IFT74: variants seen among roughly 807,000 people sequenced by gnomAD.
The protein encoded by IFT74 is intraflagellar transport 74.
In IFT74, 92 loss-of-function variants were observed where a neutral mutation model predicts 96.7. The ratio of observed to expected loss-of-function variants is 0.95; its 90% CI spans 0.80 to 1.13. The LOEUF (loss-of-function observed/expected upper bound fraction) is 1.13, where lower values mean the gene tolerates loss of function less well. Among genes scored for constraint, IFT74 ranks in the 50% most tolerant of loss-of-function variants. The probability of loss-of-function intolerance (pLI) is 0.00; values close to 1 mark genes in which losing one functional copy is unlikely to be tolerated. For missense variants in IFT74, 811 were observed against 698.2 expected (o/e 1.16, Z -1.82); for synonymous variants, 223 against 213.2 (o/e 1.05, Z -0.40).
At chr9:26,954,168 A>C (rs896859305), upstream of IFT74, among the ~76,000 whole-genome samples, 2 of 152,254 alleles carry the variant, frequency 1.3e-5, no homozygotes, top group Non-Finnish European at 2.9e-5. Context: ...TATAACTGCA[A>C]GTTATAATGA....
intron 6 of IFT74, among the ~76,000 whole-genome samples, chr9:26,986,364 G>C (rs1208893692): frequency 6.6e-6 from 1 of 150,936 alleles, no homozygotes; most frequent in Non-Finnish European, 1.5e-5. Flanking sequence ...TGCCCAAGCT[G>C]GAATGCAGTG....
intron 1 of IFT74, among the ~76,000 whole-genome samples, chr9:26,956,729 C>T (rs1826123155): frequency 6.6e-6 from 1 of 152,236 alleles, no homozygotes; most frequent in African/African-American, 2.4e-5. Context: ...TCCCCGACCC[C>T]CCGCAGGAGA....
intron 18 of IFT74, among the ~76,000 whole-genome samples, chr9:27,058,640 G>A (rs1163627653): frequency 3.3e-5 from 5 of 150,950 alleles, no homozygotes; most frequent in South Asian, 2.1e-4. Context: ...CACCTGCCTC[G>A]GCCTCCCAAA....
intron 13 of IFT74, chr9:27,036,824 A>G: frequency 2.9e-6 from 3 of 1,052,046 alleles, no homozygotes; most frequent in Non-Finnish European, 3.4e-6. Context: ...TACCAAAGTG[A>G]CACAATAAAA....
intron 17 of IFT74, 116 bp from the exon 18 acceptor site, chr9:27,056,218 T>C (rs1587425903): frequency 1.3e-6 from 1 of 787,562 alleles, no homozygotes; most frequent in East Asian, 2.8e-5. Flanking sequence ...TTTAGAGTAG[T>C]TATAGCCTTG....
chr9:27,009,962 G>A (rs1210102149), intron 9 of IFT74, among the ~76,000 whole-genome samples: 5 of 151,066 alleles, frequency 3.3e-5, no homozygotes, highest in Non-Finnish European at 7.4e-5. Context: ...TTTTTTTTGT[G>A]CTGGAAACAT....
At chr9:27,012,218 C>A (rs1428492444) in intron 10 of IFT74, among the ~76,000 whole-genome samples, 3 of 152,082 alleles carry the variant, frequency 2.0e-5, no homozygotes, top group African/African-American at 7.2e-5. Flanking sequence ...AATCCAATAG[C>A]AATTAAAAAA....
intron 13 of IFT74, among the ~76,000 whole-genome samples, chr9:27,042,113 C>A (rs1819507860): frequency 6.6e-6 from 1 of 152,082 alleles, no homozygotes; most frequent in Non-Finnish European, 1.5e-5. Flanking sequence ...AGAGGGAAGA[C>A]TATGAGTTTA....
chr9:26,961,159 C>T (rs1254764260), intron 1 of IFT74, among the ~76,000 whole-genome samples: 4 of 148,446 alleles, frequency 2.7e-5, no homozygotes, highest in Non-Finnish European at 5.9e-5. Context: ...AGCGCAATCT[C>T]GGCTCACTGC....
At chr9:26,962,170 C>T (rs982847823) in intron 2 of IFT74, 83 bp downstream of exon 2, 5 of 1,383,044 alleles carry the variant, frequency 3.6e-6, no homozygotes, top group Admixed American at 1.9e-5. Context: ...CTTCAGTGAA[C>T]TCTGATCATG....
At chr9:27,057,499 C>T (rs1442439660) in intron 18 of IFT74, among the ~76,000 whole-genome samples, 1 of 152,174 alleles carries the variant, frequency 6.6e-6, no homozygotes, top group Non-Finnish European at 1.5e-5. Flanking sequence ...ATTGATCATT[C>T]TTATATCTAA....
At chr9:27,004,461 A>C (rs1273300579) in intron 8 of IFT74, among the ~76,000 whole-genome samples, 1 of 152,204 alleles carries the variant, frequency 6.6e-6, no homozygotes, top group African/African-American at 2.4e-5. Context: ...GCCTTTTCAG[A>C]GGAGAAAGAT....
chr9:27,050,231 G>A (rs182887513), intron 16 of IFT74, among the ~76,000 whole-genome samples: 5 of 152,102 alleles, frequency 3.3e-5, no homozygotes, highest in Admixed American at 2.0e-4. Flanking sequence ...CTAATATTTC[G>A]TATTTTTAAT....
At position 27,064,030 on chromosome 9, in the gene IFT74, T is replaced by C. The variant is rs1366063149; in HGVS notation, c.*1294T>C. 6.6e-6 allele frequency among the ~76,000 whole-genome samples: 1 copy of C among 152,148 alleles called. No individual in the cohort carries two copies. The highest frequency in any genetic ancestry group is 1.5e-5 in the Non-Finnish European group (1 of 67,986). ...TGAAACAAAGGTGAATTATTTTATT[T>C]TTTCTTGACTGCTCATAACCCTTAA... On this transcript the variant is annotated 3_prime_UTR_variant, in exon 20 of 20. Coordinates refer to ENST00000380062, the MANE Select transcript of IFT74 (RefSeq NM_025103.4).
At chr9:27,032,727 ATGG>A (rs1830181546) in intron 13 of IFT74, among the ~76,000 whole-genome samples, 2 of 152,008 alleles carry the variant, frequency 1.3e-5, no homozygotes, top group Admixed American at 1.3e-4. Flanking sequence ...TTAGCTAGGC[ATGG>A]TGGTGTGTAC....
chr9:26,957,485 G>T (rs1427902024), intron 1 of IFT74, among the ~76,000 whole-genome samples: 1 of 152,206 alleles, frequency 6.6e-6, no homozygotes, highest in Admixed American at 6.5e-5. Flanking sequence ...GTTCAAAATG[G>T]CAAGGAATTA....
At chr9:26,998,095 TG>T (rs769074764) in intron 8 of IFT74, 48 of 1,613,274 alleles carry the variant, frequency 3.0e-5, no homozygotes, top group Non-Finnish European at 4.1e-5. Flanking sequence ...AATAGAGCTC[TG>T]TGAGTAAAAA....
At chr9:27,029,343 T>G (rs1830015114) in intron 13 of IFT74, among the ~76,000 whole-genome samples, 1 of 150,768 alleles carries the variant, frequency 6.6e-6, no homozygotes, top group Non-Finnish European at 1.5e-5. Context: ...AGCAGTTTGT[T>G]TTTTTTTTTA....
intron 6 of IFT74, 124 bp from the exon 7 acceptor site, chr9:26,988,545 A>T: frequency 1.1e-6 from 1 of 927,760 alleles, no homozygotes; most frequent in Non-Finnish European, 1.5e-6. Context: ...GAAAATATTC[A>T]AAAGTATTAA....
Sources: allele counts gnomAD v4.1 joint callset (sites outside exome capture counted in the v4.1 genomes callset), GRCh38; gene constraint gnomAD v4.1.1; transcripts MANE v1.5; gene names NCBI Gene and HGNC (gene_info 2026-07-23, HGNC 2026-07-21).